The following SGCD variants were observed in gnomAD, a reference collection of about 807,000 sequenced individuals.
SGCD encodes sarcoglycan delta.
Under a neutral mutation model 36.6 loss-of-function variants are expected in SGCD, and 18 were observed. That is an observed-to-expected ratio of 0.49 (90% CI 0.34 to 0.73). The LOEUF is 0.73. Among genes scored for constraint, SGCD ranks in the 30% least tolerant of loss-of-function variants. The pLI, the probability that SGCD is intolerant of heterozygous loss-of-function variation, is 0.01. For synonymous variants in SGCD, 133 were observed against 130.6 expected (o/e 1.02, Z -0.12); for missense variants, 387 against 346.7 (o/e 1.12, Z -0.92).
intron 4 of SGCD, among the ~76,000 whole-genome samples, chr5:156,569,841 G>C (rs1759645913): frequency 6.6e-6 from 1 of 152,102 alleles, no homozygotes; most frequent in Admixed American, 6.5e-5. Context: ...TTGAAGAACA[G>C]AAAGAGGCCA....
At chr5:156,407,165 C>A (rs1164395117) in intron 3 of SGCD, among the ~76,000 whole-genome samples, 3 of 152,090 alleles carry the variant, frequency 2.0e-5, no homozygotes, top group Non-Finnish European at 4.4e-5. Flanking sequence ...CTGGCAACAC[C>A]CTCACAGACA....
intron 7 of SGCD, among the ~76,000 whole-genome samples, chr5:156,708,855 G>A (rs1282892238): frequency 6.6e-6 from 1 of 152,010 alleles, no homozygotes; most frequent in African/African-American, 2.4e-5. Flanking sequence ...TTAGAGAAGT[G>A]ACAAGACAAA....
the SGCD span, among the ~76,000 whole-genome samples, chr5:155,825,630 A>G: frequency 6.6e-6 from 1 of 152,144 alleles, no homozygotes; most frequent in Non-Finnish European, 1.5e-5. Flanking sequence ...GCCTTTTCAT[A>G]CTGTGGGGAT....
At chr5:156,365,258 T>A (rs922078662) in intron 3 of SGCD, among the ~76,000 whole-genome samples, 1 of 152,190 alleles carries the variant, frequency 6.6e-6, no homozygotes. Context: ...CTAAAATGTC[T>A]GAAGATAAAA....
chr5:156,509,405 A>G (rs1450101454), intron 4 of SGCD, among the ~76,000 whole-genome samples: 3 of 152,204 alleles, frequency 2.0e-5, no homozygotes, highest in Admixed American at 2.0e-4. Flanking sequence ...AGCCTGGGCA[A>G]CAGAGCAAGG....
intron 3 of SGCD, among the ~76,000 whole-genome samples, chr5:156,371,016 A>G (rs531576529): frequency 4.6e-5 from 7 of 152,098 alleles, no homozygotes; most frequent in Non-Finnish European, 1.0e-4. Flanking sequence ...CCCTTATGGC[A>G]TATAGTTACC....
chr5:156,385,091 T>C lies in SGCD; in HGVS notation c.192+40414T>C, dbSNP rs889141728. On this transcript the variant is annotated intron_variant, in intron 3 of 8. Transcript: ENST00000337851. ...AGAGACCACTCAAAAGTGTAGGTAA[T>C]CCAGAGTCTGCATTTAGATGGAGTG... Among the ~76,000 whole-genome samples the C allele has an allele frequency of 2.6e-5, 4 of 152,264 alleles. No homozygotes were observed. The East Asian group carries it at 5.8e-4, about 22-fold the overall frequency.
intron 1 of SGCD, among the ~76,000 whole-genome samples, chr5:155,917,680 A>G (rs754209469): frequency 6.6e-6 from 1 of 152,138 alleles, no homozygotes; most frequent in East Asian, 1.9e-4. Flanking sequence ...GCAGAAAGAC[A>G]CCTTATCAGG....
chr5:156,717,306 G>A (rs1393190177), intron 7 of SGCD, among the ~76,000 whole-genome samples: 2 of 152,104 alleles, frequency 1.3e-5, no homozygotes, highest in African/African-American at 2.4e-5. Context: ...TTTACAAGGT[G>A]CTTCACTCTA....
intron 3 of SGCD, among the ~76,000 whole-genome samples, chr5:156,306,463 T>C (rs1401936097): frequency 6.6e-6 from 1 of 152,222 alleles, no homozygotes; most frequent in Non-Finnish European, 1.5e-5. Context: ...AACCTTTTTC[T>C]TTTGTAAATT....
chr5:156,417,338 G>A (rs1300618416), intron 3 of SGCD, among the ~76,000 whole-genome samples: 3 of 152,046 alleles, frequency 2.0e-5, no homozygotes, highest in Non-Finnish European at 2.9e-5. Context: ...ATAAATGATC[G>A]TGAACCCTTC....
At chr5:156,438,574 G>A (rs974933490) in intron 3 of SGCD, among the ~76,000 whole-genome samples, 5 of 152,054 alleles carry the variant, frequency 3.3e-5, no homozygotes, top group Non-Finnish European at 4.4e-5. Context: ...CTTTCTTTTA[G>A]CTCCTCCAGC....
At chr5:156,304,587 C>T (rs1767152064) in intron 3 of SGCD, among the ~76,000 whole-genome samples, 3 of 152,092 alleles carry the variant, frequency 2.0e-5, no homozygotes. Context: ...TGAAAATGGA[C>T]TAATACACTA....
At chr5:156,324,269 T>C (rs1767747278), upstream of SGCD, among the ~76,000 whole-genome samples, 1 of 152,182 alleles carries the variant, frequency 6.6e-6, no homozygotes, top group African/African-American at 2.4e-5. Context: ...TTTGAGGTTA[T>C]TTTCTCTACT....
At chr5:156,144,552 G>C (rs966677733) in intron 3 of SGCD, among the ~76,000 whole-genome samples, 23 of 152,278 alleles carry the variant, frequency 1.5e-4, no homozygotes, top group African/African-American at 5.1e-4. Context: ...AGAAGTGTCT[G>C]TTCATATCCT....
rs550467151 is a variant in SGCD at position 155,997,067 on chromosome 5, G to T, written c.-281-120811G>T. ...AGGACTTAACATTTGTAACTTCTCA[G>T]TTTATCTTTCTTGTTGAGAAATTGT... On this transcript the variant is annotated intron_variant, in intron 1 of 9. Coordinates refer to the SGCD transcript ENST00000517913. Among the ~76,000 whole-genome samples the T allele has an allele frequency of 2.0e-5, 3 of 152,238 alleles. No homozygotes were observed. The South Asian group carries it at 6.2e-4, about 32-fold the overall frequency.
At chr5:155,951,727 C>A (rs983559971) in intron 1 of SGCD, among the ~76,000 whole-genome samples, 1 of 152,082 alleles carries the variant, frequency 6.6e-6, no homozygotes, top group Non-Finnish European at 1.5e-5. Flanking sequence ...TGCTTTTCTC[C>A]ATATCTCTGA....
chr5:156,464,998 G>C (rs1754657791), intron 3 of SGCD, among the ~76,000 whole-genome samples: 1 of 152,070 alleles, frequency 6.6e-6, no homozygotes, highest in African/African-American at 2.4e-5. Context: ...GATTCGTTGA[G>C]CTCTCTTAGA....
At chr5:156,627,652 A>G (rs1383092370) in intron 6 of SGCD, among the ~76,000 whole-genome samples, 1 of 152,198 alleles carries the variant, frequency 6.6e-6, no homozygotes, top group Non-Finnish European at 1.5e-5. Flanking sequence ...TACAGGAACT[A>G]TTCTTAGAAC....
Sources: allele counts gnomAD v4.1 joint callset (sites outside exome capture counted in the v4.1 genomes callset), GRCh38; gene constraint gnomAD v4.1.1; transcripts MANE v1.5; gene names NCBI Gene and HGNC (gene_info 2026-07-23, HGNC 2026-07-21).